Variants in PLPPR5 observed in about 807,000 individuals in gnomAD.
PLPPR5 encodes phospholipid phosphatase related 5, also known as phospholipid phosphatase-related protein type 5.
Under a neutral mutation model 33.9 loss-of-function variants are expected in PLPPR5, and 16 were observed. The ratio of observed to expected loss-of-function variants is 0.47; its 90% CI spans 0.32 to 0.72. The LOEUF is 0.72. Among genes scored for constraint, PLPPR5 ranks in the 30% least tolerant of loss-of-function variants. The pLI, the probability that PLPPR5 is intolerant of heterozygous loss-of-function variation, is 0.03. For synonymous variants in PLPPR5, 163 were observed against 150.3 expected, an observed-to-expected ratio of 1.08 and a Z score of -0.62; for missense variants, 301 against 406.7, an observed-to-expected ratio of 0.74 and a Z score of 2.23.
intron 1 of PLPPR5, among the ~76,000 whole-genome samples, chr1:98,995,314 G>A (rs897099537): frequency 6.6e-6 from 1 of 152,094 alleles, no homozygotes; most frequent in Non-Finnish European, 1.5e-5. Flanking sequence ...CTACTTAAAG[G>A]TGAAGGGTGA....
At chr1:98,965,588 G>T (rs1651418152) in intron 1 of PLPPR5, among the ~76,000 whole-genome samples, 2 of 152,118 alleles carry the variant, frequency 1.3e-5, no homozygotes, top group South Asian at 4.1e-4. Flanking sequence ...AATGTCTCCA[G>T]GATGTGCACA....
chr1:98,976,336 A>T (rs1313803591), intron 1 of PLPPR5, among the ~76,000 whole-genome samples: 2 of 152,068 alleles, frequency 1.3e-5, no homozygotes, highest in African/African-American at 2.4e-5. Flanking sequence ...ATGTCCTAAC[A>T]TTGATGAAAA....
intron 3 of PLPPR5, among the ~76,000 whole-genome samples, chr1:98,943,819 A>C (rs376885535): frequency 6.6e-6 from 1 of 152,202 alleles, no homozygotes; most frequent in Admixed American, 6.5e-5. Context: ...ATAAGTGTAG[A>C]CCACTGAATC....
At chr1:98,970,511 T>C (rs1442194924) in intron 1 of PLPPR5, among the ~76,000 whole-genome samples, 2 of 151,724 alleles carry the variant, frequency 1.3e-5, no homozygotes, top group African/African-American at 2.4e-5. Context: ...CAGTTTATAA[T>C]ATATATGTAT....
Position 98,892,810 on chromosome 1 carries a change from G to C in PLPPR5, c.*262C>G, listed in dbSNP as rs1648323870. On this transcript the variant is annotated 3_prime_UTR_variant, in exon 6 of 6. Transcript: ENST00000263177. ...TTTTATTTAAGAATTTTGTTCATTT[G>C]GTCATCACATTTTTGTTGAACACCT... 2.3e-5 allele frequency: 8 copies of C among 345,600 alleles called. 1 individual carries two copies. In the South Asian group the frequency reaches 6.9e-4, roughly 30 times the overall value. The allele number at this position is 345,600 out of a possible 1,614,324, so 21.4% of individuals were successfully genotyped here.
At chr1:98,912,015 C>T (rs1649169933) in intron 5 of PLPPR5, among the ~76,000 whole-genome samples, 1 of 152,142 alleles carries the variant, frequency 6.6e-6, no homozygotes, top group Non-Finnish European at 1.5e-5. Flanking sequence ...GCGATCCTTC[C>T]ACCTTAGCCT....
At chr1:98,913,141 A>C (rs1202266571) in intron 5 of PLPPR5, among the ~76,000 whole-genome samples, 2 of 152,142 alleles carry the variant, frequency 1.3e-5, no homozygotes, top group African/African-American at 4.8e-5. Context: ...TCCCTCTGTC[A>C]TACAAGAGCC....
rs375690610 is a variant in PLPPR5, at chr1:98,892,746, AC to A, written c.*325del. On this transcript the variant is annotated 3_prime_UTR_variant, in exon 6 of 6. Coordinates refer to ENST00000263177, the MANE Select transcript of PLPPR5 (RefSeq NM_001037317.2). ...ACGATTTATGTAGAGATTTCTTTTA[AC>A]ATAATTGCAATGATTCTGTGAGAAA... 7.8e-4 allele frequency: 186 copies of A among 239,374 alleles called. No individual in the cohort carries two copies. The highest frequency in any genetic ancestry group is 3.9e-3 in the African/African-American group (170 of 43,800). 14.8% of individuals were successfully genotyped at this position (239,374 alleles called of 1,614,324 possible). A position where few individuals can be genotyped will look rare whatever the true frequency, so the allele number is the denominator to read the frequency against.
chr1:98,929,754 C>G (rs1303746657), intron 3 of PLPPR5, among the ~76,000 whole-genome samples: 1 of 152,200 alleles, frequency 6.6e-6, no homozygotes, highest in South Asian at 2.1e-4. Flanking sequence ...TGACTCCCCC[C>G]TGACCCAATA....
At chr1:98,945,002 AGTT>A (rs908382908) in intron 3 of PLPPR5, among the ~76,000 whole-genome samples, 2 of 152,296 alleles carry the variant, frequency 1.3e-5, no homozygotes, top group Non-Finnish European at 2.9e-5. Flanking sequence ...GCTCATTATA[AGTT>A]GTTGTTGTTT....
rs766008436 is a variant in PLPPR5 at position 98,953,323 on chromosome 1, G to A, written c.371-3C>T. 2.5e-6 allele frequency: 4 copies of A among 1,611,306 alleles called. No homozygotes were observed. The highest frequency in any genetic ancestry group is 3.4e-6 in the Non-Finnish European group (4 of 1,179,072). On this transcript the variant is annotated splice_region_variant and splice_polypyrimidine_tract_variant and intron_variant, in intron 2 of 5. Transcript: ENST00000263177. ...AAACAGTCCAAATGTATAAATTCCT[G>A]GGGAAGAAAACAAATAATTTTAACT...
chr1:98,903,961 A>AAAG (rs1481559918), intron 5 of PLPPR5, among the ~76,000 whole-genome samples: 2 of 152,204 alleles, frequency 1.3e-5, no homozygotes, highest in African/African-American at 4.8e-5. Flanking sequence ...CAATCAATGT[A>AAAG]AAGTTCAATT....
At chr1:98,994,235 A>T (rs1318964407) in intron 1 of PLPPR5, among the ~76,000 whole-genome samples, 1 of 151,846 alleles carries the variant, frequency 6.6e-6, no homozygotes, top group East Asian at 1.9e-4. Context: ...AGAGAAGGAA[A>T]AAAATGGAAG....
chr1:98,917,641 A>G (rs971619537), intron 4 of PLPPR5, among the ~76,000 whole-genome samples: 2 of 152,190 alleles, frequency 1.3e-5, no homozygotes, highest in African/African-American at 4.8e-5. Context: ...TAACTCAGCC[A>G]TGATATCTCG....
At chr1:98,912,288 T>A (rs190202886) in intron 5 of PLPPR5, among the ~76,000 whole-genome samples, 25 of 152,332 alleles carry the variant, frequency 1.6e-4, no homozygotes, top group Admixed American at 1.2e-3. Flanking sequence ...ATATGCATTA[T>A]AATAGGATAT....
chr1:98,922,779 A>T (rs959263031), intron 3 of PLPPR5, among the ~76,000 whole-genome samples: 2 of 152,062 alleles, frequency 1.3e-5, no homozygotes, highest in African/African-American at 2.4e-5. Flanking sequence ...AGGTCAGGAG[A>T]TCGAGACCAT....
At chr1:98,895,581 T>C (rs139651170) in intron 5 of PLPPR5, among the ~76,000 whole-genome samples, 4 of 152,166 alleles carry the variant, frequency 2.6e-5, no homozygotes, top group South Asian at 4.1e-4. Context: ...TTTTAAGCCA[T>C]AATACTCTTT....
At chr1:98,923,759 GTTA>G (rs957626292) in intron 3 of PLPPR5, among the ~76,000 whole-genome samples, 2 of 152,166 alleles carry the variant, frequency 1.3e-5, no homozygotes, top group African/African-American at 4.8e-5. Context: ...GATAATTTCA[GTTA>G]TGGAGGGTAA....
intron 2 of PLPPR5, 74 bp from the exon 3 acceptor site, chr1:98,953,394 T>TGTGTGTGA: frequency 6.7e-7 from 1 of 1,491,520 alleles, no homozygotes; most frequent in Non-Finnish European, 9.0e-7. Flanking sequence ...TGTGTGTGTG[T>TGTGTGTGA]GAATTTCAGT....
Sources: gnomAD v4.1 joint callset for allele counts (sites outside exome capture counted in the v4.1 genomes callset) on GRCh38, gnomAD v4.1.1 for gene constraint, MANE v1.5 for transcripts, NCBI Gene and HGNC (gene_info 2026-07-23, HGNC 2026-07-21) for gene names.